LSG1: variants seen among roughly 807,000 people sequenced by gnomAD.
LSG1 encodes large 60S subunit nuclear export GTPase 1.
Under a neutral mutation model 82.6 loss-of-function variants are expected in LSG1, and 55 were observed. The ratio of observed to expected loss-of-function variants is 0.67; its 90% confidence interval spans 0.54 to 0.83. LSG1 has a LOEUF of 0.83. Ranked by LOEUF, LSG1 falls within the 40% of genes least tolerant of loss-of-function variation. The probability of loss-of-function intolerance (pLI) is 0.00; values close to 1 mark genes in which losing one functional copy is unlikely to be tolerated. For synonymous variants in LSG1, 272 were observed against 282.5 expected (o/e 0.96, Z 0.37); for missense variants, 809 against 807.9 (o/e 1.00, Z -0.02).
Position 194,641,976 on chromosome 3 carries a change from G to T in LSG1, c.*92C>A. ...GCAAGAGCAGGGCCCGTTCTACAGT[G>T]CTAGTGTCTTGGGACGGTTCCACAG... On this transcript the variant is annotated 3_prime_UTR_variant, in exon 14 of 14. Transcript: ENST00000265245. The T allele has an allele frequency of 7.2e-7, 1 of 1,382,896 alleles. No individual in the cohort carries two copies. The highest frequency in any genetic ancestry group is 1.0e-6 in the Non-Finnish European group (1 of 999,682). The allele number at this position is 1,382,896 out of a possible 1,614,324, so 85.7% of individuals were successfully genotyped here. A position where few individuals can be genotyped will look rare whatever the true frequency, so the allele number is the denominator to read the frequency against.
chr3:194,645,543 C>CACACACACACACAG, intron 12 of LSG1: 2 of 45,348 alleles, frequency 4.4e-5, no homozygotes, highest in African/African-American at 1.7e-4. Context: ...CAGACACACA[C>CACACACACACACAG]ACACACACAC....
At position 194,653,104 on chromosome 3, in the gene LSG1, G is replaced by A. The variant is rs1705991; in HGVS notation, c.798C>T (p.Thr266=). ...GGTCGAAACTGGAATGTCCAAACTT[G>A]GTTGTGTTGCTTTGTCTATCATCTC... ...ANRDDRQSNT[T]KFGHSSFDQA... The change falls in exon 8 of 14, where the codon ACC becomes ACT. Residue 266 remains threonine, a synonymous_variant. Transcript: ENST00000265245. The A allele has an allele frequency of 0.68, 1,091,486 of 1,613,014 alleles. 374,526 individuals carry two copies. The highest frequency in any genetic ancestry group is 0.86 in the East Asian group (38,442 of 44,836).
rs188735619 is a variant in LSG1, at chr3:194,648,896, C to T, written c.1420-92G>A. On this transcript the variant is annotated intron_variant, in intron 10 of 13. Transcript: ENST00000265245. ...TCAAAGAACATGGCACTTCATTCCG[C>T]GTGTGACAAACACTCTCTCCTCTCC... 910 of 1,290,528 alleles carry T rather than the reference C, an allele frequency of 7.1e-4. 3 individuals are homozygous for T. Among genetic ancestry groups the T allele is most frequent in the Admixed American group, 4.5e-4 (23 of 51,078 alleles). 79.9% of individuals were successfully genotyped at this position (1,290,528 alleles called of 1,614,324 possible). A position where few individuals can be genotyped will look rare whatever the true frequency, so the allele number is the denominator to read the frequency against.
chr3:194,645,513 CACACACACACACACACA>C (rs1718506235), intron 12 of LSG1: 1 of 52,192 alleles, frequency 1.9e-5, no homozygotes, highest in Non-Finnish European at 4.3e-5. Context: ...CACACACACA[CACACACACACACACACA>C]GACAGACACA....
At chr3:194,654,569 A>T (rs1411893293) in intron 7 of LSG1, among the ~76,000 whole-genome samples, 1 of 152,182 alleles carries the variant, frequency 6.6e-6, no homozygotes, top group Admixed American at 6.5e-5. Context: ...ATAGAACTGG[A>T]AGCAATTTCT....
intron 6 of LSG1, 93 bp from the exon 7 acceptor site, chr3:194,659,226 C>T: frequency 1.0e-6 from 1 of 982,994 alleles, no homozygotes; most frequent in Non-Finnish European, 1.5e-6. Flanking sequence ...GTTTTTACTG[C>T]CCCTAGTTTT....
rs887230649 is a variant in LSG1, at chr3:194,645,775, C to T, written c.1623+389G>A. 3.3e-5 allele frequency among the ~76,000 whole-genome samples: 5 copies of T among 152,280 alleles called. No individual in the cohort carries two copies. In the South Asian group the frequency reaches 8.3e-4, roughly 25 times the overall value. ...TACATATTTGTACTGAGAAGACGCA[C>T]GTAAAACAGAACTATTTCTAGCAGG... is the stretch of plus-strand genomic sequence containing the variant. On this transcript the variant is annotated intron_variant, in intron 12 of 13. Transcript: ENST00000265245.
chr3:194,660,863 A>T (rs1380242467), intron 5 of LSG1: 2 of 456,624 alleles, frequency 4.4e-6, no homozygotes, highest in Non-Finnish European at 4.4e-6. Flanking sequence ...TCACAAATAT[A>T]GTGGGGACTA....
At chr3:194,650,024 A>AT (rs1718641162) in intron 10 of LSG1, among the ~76,000 whole-genome samples, 1 of 151,916 alleles carries the variant, frequency 6.6e-6, no homozygotes, top group Non-Finnish European at 1.5e-5. Flanking sequence ...GGTTCAAGAG[A>AT]TTATCGTGCC....
rs1379867081 is a variant in LSG1, at chr3:194,661,723, C to T, written c.522-1590G>A. On this transcript the variant is annotated intron_variant, in intron 5 of 13. Coordinates refer to ENST00000265245, the MANE Select transcript of LSG1 (RefSeq NM_018385.3). ...AAATATTTCCCATTCAAAGATGTGG[C>T]GGCAGTCATTTTTAAATAAATATTT... is the stretch of plus-strand genomic sequence containing the variant. Among the ~76,000 whole-genome samples the T allele has an allele frequency of 6.6e-5, 10 of 152,258 alleles. No homozygotes were observed. The East Asian group carries it at 1.5e-3, about 23-fold the overall frequency.
At chr3:194,670,178 G>A (rs1167170465) in intron 1 of LSG1, 43 bp from the exon 2 acceptor site, 6 of 1,606,958 alleles carry the variant, frequency 3.7e-6, no homozygotes, top group Non-Finnish European at 4.3e-6. Flanking sequence ...GCTCTCTTCT[G>A]CTCTTGGCAT....
At chr3:194,658,101 C>T (rs1344710699) in intron 7 of LSG1, among the ~76,000 whole-genome samples, 2 of 152,190 alleles carry the variant, frequency 1.3e-5, no homozygotes, top group Admixed American at 1.3e-4. Flanking sequence ...CTTCCTAAGT[C>T]TCTCCATCTC....
chr3:194,653,818 C>A (rs1317618107), intron 7 of LSG1, among the ~76,000 whole-genome samples: 1 of 152,128 alleles, frequency 6.6e-6, no homozygotes, highest in African/African-American at 2.4e-5. Flanking sequence ...GAGGATCGCT[C>A]AAGGCCAGGA....
chr3:194,666,610 A>C, intron 2 of LSG1, 38 bp from the exon 3 acceptor site: 1 of 1,576,000 alleles, frequency 6.3e-7, no homozygotes, highest in Non-Finnish European at 8.7e-7. Context: ...CTTAAGAGGC[A>C]GTATAGATAC....
At chr3:194,650,363 T>A (rs1037884971) in intron 10 of LSG1, among the ~76,000 whole-genome samples, 1 of 152,242 alleles carries the variant, frequency 6.6e-6, no homozygotes, top group Non-Finnish European at 1.5e-5. Context: ...AGAGCTTAGA[T>A]AAATTATTTA....
At chr3:194,653,388 A>G (rs1360459234) in intron 7 of LSG1, among the ~76,000 whole-genome samples, 1 of 151,894 alleles carries the variant, frequency 6.6e-6, no homozygotes, top group Admixed American at 6.6e-5. Flanking sequence ...GGTGGTGCAC[A>G]CCTGTAATCC....
chr3:194,642,618 C>T (rs942409176), intron 13 of LSG1, among the ~76,000 whole-genome samples: 3 of 152,012 alleles, frequency 2.0e-5, no homozygotes, highest in Non-Finnish European at 2.9e-5. Flanking sequence ...TAGTACCCTA[C>T]GATTTGCAAG....
At chr3:194,653,507 C>G (rs1289563848) in intron 7 of LSG1, among the ~76,000 whole-genome samples, 3 of 107,092 alleles carry the variant, frequency 2.8e-5, no homozygotes, top group Admixed American at 2.0e-4. Context: ...AGACAAGGCT[C>G]TGTCTCACAA....
At position 194,645,589 on chromosome 3, in the gene LSG1, C is replaced by CACAGACAG. The variant is rs1386195699; in HGVS notation, c.1623+574_1623+575insCTGTCTGT. Among the ~76,000 whole-genome samples, 403 of 93,328 alleles carry CACAGACAG rather than the reference C, an allele frequency of 4.3e-3. 28 individuals are homozygous for CACAGACAG. The highest frequency in any genetic ancestry group is 6.3e-3 in the Non-Finnish European group (287 of 45,852). The allele number at this position is 93,328 out of a possible 152,430, so 61.2% of individuals were successfully genotyped here. A position where few individuals can be genotyped will look rare whatever the true frequency, so the allele number is the denominator to read the frequency against. The stretch of plus-strand genomic sequence containing the variant: ...ACACACAGACAGACACACACACACA[C>CACAGACAG]ACACACACACACACACACACACACA... On this transcript the variant is annotated intron_variant, in intron 12 of 13. Transcript: ENST00000265245.
Sources: allele counts gnomAD v4.1 joint callset (sites outside exome capture counted in the v4.1 genomes callset), GRCh38; gene constraint gnomAD v4.1.1; transcripts MANE v1.5; gene names NCBI Gene and HGNC (gene_info 2026-07-23, HGNC 2026-07-21).